Variants in PPP2R2C observed in about 807,000 individuals in gnomAD.
The protein encoded by PPP2R2C is protein phosphatase 2, regulatory subunit B, gamma.
In PPP2R2C, 10 loss-of-function variants were observed where a neutral mutation model predicts 45.3. The ratio of observed to expected loss-of-function variants is 0.22; its 90% CI spans 0.14 to 0.37. The LOEUF is 0.37. Ranked by LOEUF, PPP2R2C falls within the 10% of genes least tolerant of loss-of-function variation. The pLI, the probability that PPP2R2C is intolerant of heterozygous loss-of-function variation, is 1.00. For missense variants in PPP2R2C, 308 were observed against 619.7 expected, an observed-to-expected ratio of 0.50 and a Z score of 5.34; for synonymous variants, 257 against 245.4, an observed-to-expected ratio of 1.05 and a Z score of -0.44.
At chr4:6,548,908 A>G (rs541950594) in intron 1 of PPP2R2C, among the ~76,000 whole-genome samples, 1 of 152,178 alleles carries the variant, frequency 6.6e-6, no homozygotes, top group East Asian at 1.9e-4. Flanking sequence ...ACCTCCCTAA[A>G]TGAACAGTGC....
chr4:6,409,888 A>G (rs1487689820), intron 1 of PPP2R2C, among the ~76,000 whole-genome samples: 2 of 152,140 alleles, frequency 1.3e-5, no homozygotes, highest in Admixed American at 6.5e-5. Flanking sequence ...CACCCTTCCT[A>G]TCTTTTATCT....
chr4:6,491,187 G>A (rs1447397915), intron 2 of PPP2R2C, among the ~76,000 whole-genome samples: 1 of 152,210 alleles, frequency 6.6e-6, no homozygotes, highest in Admixed American at 6.5e-5. Context: ...GTGTGTGGCA[G>A]GAATTTGTAT....
chr4:6,497,358 G>T (rs1235879085), intron 2 of PPP2R2C, among the ~76,000 whole-genome samples: 1 of 152,106 alleles, frequency 6.6e-6, no homozygotes, highest in East Asian at 1.9e-4. Flanking sequence ...GAACAAAATG[G>T]AATCCACACT....
chr4:6,333,752 T>A, intron 6 of PPP2R2C, 21 bp from the exon 7 acceptor site: 2 of 1,613,602 alleles, frequency 1.2e-6, no homozygotes, highest in Non-Finnish European at 1.7e-6. Flanking sequence ...AGAGAAGCAA[T>A]GGCCGTCACT....
chr4:6,375,846 C>T lies in PPP2R2C; in HGVS notation c.420G>A (p.Lys140=). The T allele has an allele frequency of 6.2e-7, 1 of 1,614,110 alleles. No homozygotes were observed. Among genetic ancestry groups the T allele is most frequent in the Non-Finnish European group, 8.5e-7 (1 of 1,179,974 alleles). The change falls in exon 4 of 9, where the codon AAG becomes AAA. Residue 140 remains lysine (K), a synonymous_variant. Transcript: ENST00000382599. ...GCAGTGACGTCACCGTGGACAGGTC[C>T]TTAAGTTTCCCCTCTTCATCCTTCA... ...YNLKDEEGKL[K]DLSTVTSLQV...
intron 5 of PPP2R2C, among the ~76,000 whole-genome samples, chr4:6,371,888 C>T (rs1452853408): frequency 6.6e-6 from 1 of 152,226 alleles, no homozygotes; most frequent in African/African-American, 2.4e-5. Flanking sequence ...TGCCTGCCCG[C>T]CCACCAGCCC....
intron 1 of PPP2R2C, among the ~76,000 whole-genome samples, chr4:6,540,608 G>A (rs996417177): frequency 2.0e-5 from 3 of 152,214 alleles, no homozygotes; most frequent in African/African-American, 4.8e-5. Context: ...GAATTGCTGG[G>A]TCATGAGATA....
At chr4:6,430,859 AG>A (rs1719573350) in intron 1 of PPP2R2C, among the ~76,000 whole-genome samples, 1 of 151,998 alleles carries the variant, frequency 6.6e-6, no homozygotes, top group South Asian at 2.1e-4. Flanking sequence ...CAGGAGGCGG[AG>A]GTTGCAGTGA....
rs1332916998 is a variant in PPP2R2C, at chr4:6,364,856, G to A, written c.625+7667C>T. ...ACACATGCTGGGGGCAGACAGGCAG[G>A]TGGGCTCTGGGTGCATTTGGACGAT... is the stretch of plus-strand genomic sequence containing the variant. On this transcript the variant is annotated intron_variant, in intron 5 of 8. Coordinates refer to ENST00000382599, the MANE Select transcript of PPP2R2C (RefSeq NM_020416.4). The surrounding 1 kb of genome is among the most constrained non-coding windows in gnomAD (Gnocchi z 5.3). Among the ~76,000 whole-genome samples, 1 of 152,200 alleles carries A rather than the reference G, an allele frequency of 6.6e-6. No individual in the cohort carries two copies. The highest frequency in any genetic ancestry group is 2.4e-5 in the African/African-American group (1 of 41,448).
intron 1 of PPP2R2C, among the ~76,000 whole-genome samples, chr4:6,449,089 TA>T (rs1234717888): frequency 6.6e-6 from 1 of 152,030 alleles, no homozygotes; most frequent in Non-Finnish European, 1.5e-5. Flanking sequence ...TAAAAACACA[TA>T]GCCCCACGCA....
intron 1 of PPP2R2C, among the ~76,000 whole-genome samples, chr4:6,399,178 C>G (rs1431740393): frequency 6.6e-6 from 1 of 152,146 alleles, no homozygotes; most frequent in Non-Finnish European, 1.5e-5. Flanking sequence ...GGTGATTTCA[C>G]AAACATATAC....
intron 1 of PPP2R2C, among the ~76,000 whole-genome samples, chr4:6,546,960 T>A (rs538158194): frequency 2.6e-5 from 4 of 152,248 alleles, no homozygotes; most frequent in African/African-American, 7.2e-5. Flanking sequence ...GAGCAACAGC[T>A]AACGGCCCCC....
chr4:6,375,898 C>T lies in PPP2R2C; in HGVS notation c.368G>A (p.Arg123Gln). ...GTTGTATCCTTCGGGCCTTTTATCT[C>T]GTTCGGTAATCTTCCATAATTTGAT... is the stretch of plus-strand genomic sequence containing the variant. ...KTIKLWKITE[R>Q]DKRPEGYNLK... The change falls in exon 4 of 9, where the codon CGA (arginine) becomes CAA (glutamine). Residue 123 changes from arginine to glutamine, a missense_variant. Coordinates refer to ENST00000382599, the MANE Select transcript of PPP2R2C (RefSeq NM_020416.4). The T allele has an allele frequency of 1.2e-6, 2 of 1,614,012 alleles. No homozygotes were observed. Among genetic ancestry groups the T allele is most frequent in the Non-Finnish European group, 1.7e-6 (2 of 1,179,916 alleles).
At chr4:6,517,180 G>T (rs957235028) in intron 2 of PPP2R2C, among the ~76,000 whole-genome samples, 2 of 152,178 alleles carry the variant, frequency 1.3e-5, no homozygotes, top group Non-Finnish European at 2.9e-5. Context: ...GTAGACAGGG[G>T]TCTCTGAGTG....
chr4:6,554,617 T>C (rs776765752), intron 1 of PPP2R2C, among the ~76,000 whole-genome samples: 2 of 152,072 alleles, frequency 1.3e-5, no homozygotes, highest in Non-Finnish European at 2.9e-5. Context: ...CCCAGCACTT[T>C]GGGAGGCCAA....
intron 1 of PPP2R2C, among the ~76,000 whole-genome samples, chr4:6,541,868 G>A (rs1438017703): frequency 6.6e-6 from 1 of 152,204 alleles, no homozygotes; most frequent in African/African-American, 2.4e-5. Flanking sequence ...AGGGAGGAGG[G>A]GAACCAAGTG....
rs371604465 is a variant in PPP2R2C, at chr4:6,458,457, T to C, written c.70+13703A>G. 4.5e-4 allele frequency among the ~76,000 whole-genome samples: 69 copies of C among 152,230 alleles called. 1 individual carries two copies. The East Asian group carries it at 8.1e-3, about 18-fold the overall frequency. ...AGAAGGGCAAGGGAGCTCTCTAAGGTCTTTTATAAGGGCACTAATCCCACC... is the reference window on the plus strand; with the variant it reads ...AGAAGGGCAAGGGAGCTCTCTAAGGCCTTTTATAAGGGCACTAATCCCACC... On this transcript the variant is annotated intron_variant, in intron 1 of 8. Coordinates refer to ENST00000382599, the MANE Select transcript of PPP2R2C (RefSeq NM_020416.4).
At chr4:6,496,782 G>C (rs1297576690) in intron 2 of PPP2R2C, among the ~76,000 whole-genome samples, 5 of 151,974 alleles carry the variant, frequency 3.3e-5, no homozygotes, top group Non-Finnish European at 7.4e-5. Context: ...AATCACTTGA[G>C]CCCGGAAGGT....
intron 1 of PPP2R2C, among the ~76,000 whole-genome samples, chr4:6,430,940 ACAAC>A (rs1355529151): frequency 8.8e-3 from 73 of 8,304 alleles, no homozygotes; most frequent in South Asian, 0.014. Flanking sequence ...AACAACAACA[ACAAC>A]AAAAAAAAAA....
Sources: allele counts gnomAD v4.1 joint callset (sites outside exome capture counted in the v4.1 genomes callset), GRCh38; gene constraint gnomAD v4.1.1; non-coding constraint Gnocchi (gnomAD v3.1); transcripts MANE v1.5; gene names NCBI Gene and HGNC (gene_info 2026-07-23, HGNC 2026-07-21).